Variants in RB1 observed in about 807,000 individuals in gnomAD.
RB1 encodes RB transcriptional corepressor 1.
RB1 carries 18 observed loss-of-function variants against 135.4 expected under a neutral mutation model. That is an observed-to-expected ratio of 0.13 (90% CI 0.09 to 0.20). RB1 has a LOEUF of 0.20. RB1 is among the 10% of genes least tolerant of loss of function. The pLI is 1.00. For missense variants in RB1, 868 were observed against 1,110.0 expected (o/e 0.78, Z 3.10); for synonymous variants, 365 against 373.2 (o/e 0.98, Z 0.25).
chr13:48,458,145 G>A (rs988682046), intron 19 of RB1, among the ~76,000 whole-genome samples: 4 of 152,232 alleles, frequency 2.6e-5, no homozygotes, highest in African/African-American at 4.8e-5. Context: ...TTCCTGGAGC[G>A]TGCCGCCCCA....
chr13:48,454,328 C>A (rs1289315421), intron 18 of RB1, among the ~76,000 whole-genome samples: 1 of 152,208 alleles, frequency 6.6e-6, no homozygotes, highest in Non-Finnish European at 1.5e-5. Flanking sequence ...AGTGCAGGGG[C>A]CATTTTCCAG....
At chr13:48,309,576 T>C (rs1425689790) in intron 2 of RB1, among the ~76,000 whole-genome samples, 1 of 152,186 alleles carries the variant, frequency 6.6e-6, no homozygotes, top group Admixed American at 6.5e-5. Context: ...TTTTTGTGCA[T>C]ATACAATTAA....
chr13:48,395,829 C>T (rs952490155), intron 17 of RB1, among the ~76,000 whole-genome samples: 2 of 152,092 alleles, frequency 1.3e-5, no homozygotes, highest in African/African-American at 2.4e-5. Flanking sequence ...TCCAAGAGAA[C>T]ATCCCCAACC....
At position 48,364,933 on chromosome 13, in the gene RB1, A is replaced by G. The variant is rs2138116483; in HGVS notation, c.901A>G (p.Asn301Asp). The G allele has an allele frequency of 6.4e-7, 1 of 1,570,018 alleles. No individual in the cohort carries two copies. Among genetic ancestry groups the G allele is most frequent in the South Asian group, 1.2e-5 (1 of 86,408 alleles). The change falls in exon 9 of 27, where the codon AAT (asparagine) becomes GAT (aspartate). Residue 301 changes from asparagine (N) to aspartate (D), a missense_variant. Physicochemically the swap from Asn to Asp is conservative, Grantham distance 23. Coordinates refer to ENST00000267163, the MANE Select transcript of RB1 (RefSeq NM_000321.3). Reference protein sequence around the residue: ...VYFKNFIPFMNSLGLVTSNGL... With the variant: ...VYFKNFIPFMDSLGLVTSNGL... The stretch of plus-strand genomic sequence containing the variant: ...TTTCAAAAATTTTATACCTTTTATG[A>G]ATTCTCTTGGACTTGTAACATCTAA...
chr13:48,367,999 A>G (rs1952720792), intron 10 of RB1, among the ~76,000 whole-genome samples: 1 of 152,084 alleles, frequency 6.6e-6, no homozygotes, highest in Admixed American at 6.5e-5. Context: ...ATCATGTAGA[A>G]ACCTAAAATT....
At chr13:48,316,272 G>C (rs1353111350) in intron 2 of RB1, among the ~76,000 whole-genome samples, 1 of 151,976 alleles carries the variant, frequency 6.6e-6, no homozygotes, top group East Asian at 1.9e-4. Context: ...GGGGGCGGTG[G>C]GGGGCGGGGG....
chr13:48,409,868 C>G (rs985932482), intron 17 of RB1, among the ~76,000 whole-genome samples: 1 of 151,844 alleles, frequency 6.6e-6, no homozygotes, highest in Non-Finnish European at 1.5e-5. Context: ...TGTGAACCAC[C>G]GTGCCCGGCC....
intron 2 of RB1, chr13:48,333,236 C>CT: frequency 2.5e-6 from 1 of 392,756 alleles, no homozygotes; most frequent in Non-Finnish European, 4.5e-6. Flanking sequence ...TGGTGATTTC[C>CT]TTTTTTGAAA....
chr13:48,418,092 G>A (rs1041139093), intron 17 of RB1, among the ~76,000 whole-genome samples: 3 of 152,078 alleles, frequency 2.0e-5, no homozygotes, highest in Non-Finnish European at 2.9e-5. Flanking sequence ...GATTCACCAA[G>A]GTTGAAATGA....
chr13:48,398,407 C>A (rs1037747439), intron 17 of RB1, among the ~76,000 whole-genome samples: 1 of 152,074 alleles, frequency 6.6e-6, no homozygotes, highest in African/African-American at 2.4e-5. Flanking sequence ...GTTCTAAATG[C>A]AACTTTGCTT....
rs926022870 is a variant in RB1 at position 48,345,309 on chromosome 13, T to G, written c.500+110T>G. 41 of 1,265,516 alleles carry G rather than the reference T, an allele frequency of 3.2e-5. No homozygotes were observed. The South Asian group carries it at 5.2e-4, about 16-fold the overall frequency. The allele number at this position is 1,265,516 out of a possible 1,614,324, so 78.4% of individuals were successfully genotyped here. ...TAGTAAAGTTAGTAAGTATTAATTC[T>G]TAGACTTGTCCCTTTTAATGTTAGC... On this transcript the variant is annotated intron_variant, in intron 4 of 26. Coordinates refer to ENST00000267163, the MANE Select transcript of RB1 (RefSeq NM_000321.3).
chr13:48,313,761 T>TTC (rs1952155171), intron 2 of RB1, among the ~76,000 whole-genome samples: 8 of 144,138 alleles, frequency 5.6e-5, no homozygotes, highest in Admixed American at 5.5e-4. Context: ...TTTTTTTTTT[T>TTC]TTTTTGAGAC....
At chr13:48,360,306 T>C in intron 7 of RB1, 179 bp downstream of exon 7, 1 of 1,358,922 alleles carries the variant, frequency 7.4e-7, no homozygotes, top group Non-Finnish European at 9.7e-7. Flanking sequence ...AACAAATGAT[T>C]AGAGTATATG....
At chr13:48,451,362 T>A (rs2138325011) in intron 17 of RB1, among the ~76,000 whole-genome samples, 1 of 152,312 alleles carries the variant, frequency 6.6e-6, no homozygotes, top group Admixed American at 6.5e-5. Flanking sequence ...AGGCCTCTTC[T>A]GCAACCACAG....
At chr13:48,452,903 T>C (rs1593529786) in intron 17 of RB1, 90 bp from the exon 18 acceptor site, 1 of 1,572,908 alleles carries the variant, frequency 6.4e-7, no homozygotes, top group East Asian at 2.2e-5. Context: ...AAATTCATAG[T>C]ACTTACCATG....
At chr13:48,329,025 T>A (rs1408752458) in intron 2 of RB1, among the ~76,000 whole-genome samples, 1 of 152,298 alleles carries the variant, frequency 6.6e-6, no homozygotes, top group East Asian at 1.9e-4. Context: ...AAAGGCCTGA[T>A]AGTCATAATT....
In RB1 at chr13:48,362,848, G is replaced by A. The variant is rs772678500; in HGVS notation, c.752G>A (p.Arg251Gln). ...GTTATACCCATTAATGGTTCACCTC[G>A]AACACCCAGGCGAGGTCAGAACAGG... is the stretch of plus-strand genomic sequence containing the variant. ...TAVIPINGSP[R>Q]TPRRGQNRSA... The change falls in exon 8 of 27, where the codon CGA becomes CAA. Residue 251 changes from arginine to glutamine, a missense_variant. Arg to Gln is a conservative substitution (Grantham distance 43). Coordinates refer to ENST00000267163, the MANE Select transcript of RB1 (RefSeq NM_000321.3). 3.7e-6 allele frequency: 6 copies of A among 1,613,592 alleles called. No individual in the cohort carries two copies. The highest frequency in any genetic ancestry group is 3.4e-6 in the Non-Finnish European group (4 of 1,179,852).
At chr13:48,323,138 C>T (rs1455225971) in intron 2 of RB1, among the ~76,000 whole-genome samples, 2 of 151,908 alleles carry the variant, frequency 1.3e-5, no homozygotes, top group African/African-American at 2.4e-5. Context: ...ATCAGTGATG[C>T]CATCTGGGCC....
chr13:48,463,377 T>C (rs1223920438), intron 20 of RB1, among the ~76,000 whole-genome samples: 6 of 152,364 alleles, frequency 3.9e-5, no homozygotes. Flanking sequence ...TTTTATCTAA[T>C]AGTTTGAAAC....
Sources: allele counts gnomAD v4.1 joint callset (sites outside exome capture counted in the v4.1 genomes callset), GRCh38; gene constraint gnomAD v4.1.1; transcripts MANE v1.5; gene names NCBI Gene and HGNC (gene_info 2026-07-23, HGNC 2026-07-21).